Variants in EBF1 observed in about 807,000 individuals in gnomAD.
The protein encoded by EBF1 is transcription factor COE1.
EBF1 carries 10 observed loss-of-function variants against 68.4 expected under a neutral mutation model. That is an observed-to-expected ratio of 0.15 (90% CI 0.09 to 0.25). EBF1 has a LOEUF of 0.25. EBF1 is among the 10% of genes least tolerant of loss of function. The pLI, the probability that EBF1 is intolerant of heterozygous loss-of-function variation, is 1.00. For synonymous variants in EBF1, 298 were observed against 299.8 expected (o/e 0.99, Z 0.06); for missense variants, 509 against 794.4 (o/e 0.64, Z 4.32).
At chr5:158,796,545 G>C (rs1419800966) in intron 8 of EBF1, 70 bp from the exon 9 acceptor site, 6 of 1,460,904 alleles carry the variant, frequency 4.1e-6, no homozygotes, top group Non-Finnish European at 5.5e-6. Flanking sequence ...ATGAAGACTT[G>C]AGAAAAAGGA....
intron 6 of EBF1, among the ~76,000 whole-genome samples, chr5:158,923,051 C>T (rs1040974559): frequency 1.5e-4 from 23 of 152,196 alleles, no homozygotes; most frequent in African/African-American, 5.1e-4. Flanking sequence ...GATTTGAACG[C>T]AGAAAGCCCC....
intron 8 of EBF1, among the ~76,000 whole-genome samples, chr5:158,813,253 G>A (rs573744489): frequency 5.9e-5 from 9 of 152,194 alleles, no homozygotes; most frequent in Admixed American, 2.6e-4. Flanking sequence ...TTTTGTTTAC[G>A]CATTAACATA....
At chr5:158,865,784 T>C (rs548204537) in intron 6 of EBF1, among the ~76,000 whole-genome samples, 19 of 152,274 alleles carry the variant, frequency 1.2e-4, no homozygotes, top group Non-Finnish European at 2.4e-4. Flanking sequence ...AACCATAAAA[T>C]TGGGTACATC....
chr5:158,832,880 G>A (rs914090158), intron 7 of EBF1, among the ~76,000 whole-genome samples: 1 of 152,130 alleles, frequency 6.6e-6, no homozygotes, highest in Admixed American at 6.5e-5. Flanking sequence ...TTTTTGGTGG[G>A]AATTTGGGAT....
At chr5:158,733,992 G>T (rs146577995) in intron 10 of EBF1, among the ~76,000 whole-genome samples, 448 of 152,238 alleles carry the variant, frequency 2.9e-3, no homozygotes, top group African/African-American at 0.01. Context: ...AGTGGGGGAT[G>T]GTTAATTTAA....
At chr5:158,752,726 G>GT (rs1769200085) in intron 10 of EBF1, among the ~76,000 whole-genome samples, 1 of 146,824 alleles carries the variant, frequency 6.8e-6, no homozygotes, top group South Asian at 2.3e-4. Flanking sequence ...GCATTTTGTG[G>GT]AGATCTTGGC....
chr5:159,062,924 G>A (rs755711793), intron 6 of EBF1, among the ~76,000 whole-genome samples: 3 of 152,176 alleles, frequency 2.0e-5, no homozygotes, highest in Non-Finnish European at 4.4e-5. Context: ...CATGGTAATC[G>A]TGTGAAGATT....
chr5:158,742,273 T>C (rs1766578903), intron 10 of EBF1, among the ~76,000 whole-genome samples: 1 of 152,212 alleles, frequency 6.6e-6, no homozygotes, highest in African/African-American at 2.4e-5. Flanking sequence ...ACTTCCATTT[T>C]CCTAATAACA....
chr5:158,714,952 T>A (rs564868916), intron 11 of EBF1, among the ~76,000 whole-genome samples: 2 of 152,214 alleles, frequency 1.3e-5, no homozygotes, highest in Non-Finnish European at 2.9e-5. Flanking sequence ...TGGACCTCCA[T>A]ATTTAGCCTG....
intron 6 of EBF1, among the ~76,000 whole-genome samples, chr5:158,905,809 G>C (rs563402465): frequency 6.6e-6 from 1 of 152,250 alleles, no homozygotes; most frequent in African/African-American, 2.4e-5. Flanking sequence ...CTGTTCTGCT[G>C]CTTGCCACCA....
At chr5:158,978,797 T>TACACACACAC (rs57930371) in intron 6 of EBF1, among the ~76,000 whole-genome samples, 7 of 142,926 alleles carry the variant, frequency 4.9e-5, no homozygotes, top group Non-Finnish European at 9.1e-5. Context: ...CACACACACA[T>TACACACACAC]ACACACACAC....
intron 6 of EBF1, among the ~76,000 whole-genome samples, chr5:159,047,990 C>T (rs961966629): frequency 3.3e-5 from 5 of 152,168 alleles, no homozygotes; most frequent in African/African-American, 9.7e-5. Context: ...TTCATCTTTG[C>T]ATCACCTGGA....
At chr5:159,008,718 G>T (rs534508257) in intron 6 of EBF1, among the ~76,000 whole-genome samples, 1 of 151,986 alleles carries the variant, frequency 6.6e-6, no homozygotes, top group East Asian at 1.9e-4. Context: ...TGTATTTTTA[G>T]TAGAGACAAG....
chr5:158,999,774 C>A (rs1762159125), intron 6 of EBF1, among the ~76,000 whole-genome samples: 1 of 152,138 alleles, frequency 6.6e-6, no homozygotes, highest in Non-Finnish European at 1.5e-5. Flanking sequence ...TTTAACGAAG[C>A]CTCTATCCAC....
At chr5:158,977,910 G>A (rs1757107019) in intron 6 of EBF1, among the ~76,000 whole-genome samples, 1 of 152,156 alleles carries the variant, frequency 6.6e-6, no homozygotes, top group South Asian at 2.1e-4. Flanking sequence ...TAAAGGAAGG[G>A]AAAATGGGTG....
rs183567534 is a variant in EBF1 at position 158,902,275 on chromosome 5, A to G, written c.555-62165T>C. ...TGAGGCTGTAGAGACACAACCACAC[A>G]ATGCAATCAAAACTCCACCCTCAAA... On this transcript the variant is annotated intron_variant, in intron 6 of 15. Transcript: ENST00000313708. 1.1e-3 allele frequency among the ~76,000 whole-genome samples: 164 copies of G among 152,276 alleles called. 1 individual carries two copies. Among genetic ancestry groups the G allele is most frequent in the Non-Finnish European group, 5.9e-5 (4 of 68,024 alleles).
chr5:158,883,906 GA>G (rs1417042316), intron 6 of EBF1, among the ~76,000 whole-genome samples: 1 of 152,166 alleles, frequency 6.6e-6, no homozygotes, highest in East Asian at 1.9e-4. Context: ...TAACAAGGCA[GA>G]AACTAACAAA....
chr5:158,739,877 T>C (rs1765941371), intron 10 of EBF1, among the ~76,000 whole-genome samples: 1 of 152,356 alleles, frequency 6.6e-6, no homozygotes, highest in East Asian at 1.9e-4. Flanking sequence ...ACTATACTTT[T>C]ATCACCCCGT....
chr5:158,824,145 T>G lies in EBF1; in HGVS notation c.637-828A>C, dbSNP rs533747462. On this transcript the variant is annotated intron_variant, in intron 7 of 15. Transcript: ENST00000313708. ...TAAAACTGAAACCCACAGAGATATG[T>G]TTATTCATGCGACCTCTTACAACCA... is the stretch of plus-strand genomic sequence containing the variant. 2.0e-5 allele frequency among the ~76,000 whole-genome samples: 3 copies of G among 152,314 alleles called. No individual in the cohort carries two copies. The South Asian group carries it at 6.2e-4, about 32-fold the overall frequency.
Sources: gnomAD v4.1 joint callset for allele counts (sites outside exome capture counted in the v4.1 genomes callset) on GRCh38, gnomAD v4.1.1 for gene constraint, MANE v1.5 for transcripts, NCBI Gene and HGNC (gene_info 2026-07-23, HGNC 2026-07-21) for gene names.